Variants in VILL observed in about 807,000 individuals in gnomAD.
The protein encoded by VILL is villin like.
Under a neutral mutation model 106.3 loss-of-function variants are expected in VILL, and 102 were observed. The ratio of observed to expected loss-of-function variants is 0.96; its 90% CI spans 0.82 to 1.13. The LOEUF is 1.13. Among genes scored for constraint, VILL ranks in the 50% most tolerant of loss-of-function variants. The pLI, the probability that VILL is intolerant of heterozygous loss-of-function variation, is 0.00. For missense variants in VILL, 1,076 were observed against 1,116.6 expected, an observed-to-expected ratio of 0.96 and a Z score of 0.52; for synonymous variants, 431 against 440.3, an observed-to-expected ratio of 0.98 and a Z score of 0.27.
chr3:37,989,608 G>A (rs1415451133), upstream of VILL, among the ~76,000 whole-genome samples: 2 of 152,290 alleles, frequency 1.3e-5, no homozygotes, highest in African/African-American at 4.8e-5. Context: ...GAGGGGAGAT[G>A]GGGGAAGAGT....
Position 38,002,587 on chromosome 3 carries a change from A to G in VILL, c.1659+12A>G, listed in dbSNP as rs532892627. 6.8e-6 allele frequency: 11 copies of G among 1,609,084 alleles called. No individual in the cohort carries two copies. In the South Asian group the frequency reaches 1.2e-4, roughly 18 times the overall value. ...TCTGGTTTGGGAAGGTACCCACAGC[A>G]CTGACCACTTGATTCATGCCCAGAT... On this transcript the variant is annotated intron_variant, in intron 14 of 19. Coordinates refer to ENST00000383759, the MANE Select transcript of VILL (RefSeq NM_015873.4).
chr3:37,994,263 C>T lies in VILL; in HGVS notation c.138C>T (p.Val46=), dbSNP rs368836702. 22 of 1,606,170 alleles carry T rather than the reference C, an allele frequency of 1.4e-5. No homozygotes were observed. The African/African-American group carries it at 2.9e-4, about 21-fold the overall frequency. ...ATACACAAACACCCGGACCCTAGGT[C>T]CCCCAGAGCCCGAAGGCCACGCAGG... ...FEEHCYVILH[V]PQSPKATQGA... is the part of the protein sequence containing the mutation. The change falls in exon 4 of 20, where the codon GTC becomes GTT. Residue 46 remains valine (V), a splice_region_variant and synonymous_variant. Transcript: ENST00000383759.
Position 37,993,729 on chromosome 3 carries a change from T to G in VILL, c.57T>G (p.Ser19=). ...GMQGGLHIWI[S]ENRKMVPVPE... ...AGGGAGGCCTCCACATATGGATCTCTGAGGTGAGAGGCACGACCAAATAGG... is the reference window on the plus strand; with the variant it reads ...AGGGAGGCCTCCACATATGGATCTCGGAGGTGAGAGGCACGACCAAATAGG... Residue 19 remains serine, a synonymous_variant, in exon 2 of 20, where the codon TCT becomes TCG. Coordinates refer to ENST00000383759, the MANE Select transcript of VILL (RefSeq NM_015873.4). The G allele has an allele frequency of 6.2e-7, 1 of 1,614,038 alleles. No individual in the cohort carries two copies. The highest frequency in any genetic ancestry group is 8.5e-7 in the Non-Finnish European group (1 of 1,179,966).
intron 5 of VILL, among the ~76,000 whole-genome samples, chr3:37,996,221 C>T (rs1699698579): frequency 6.6e-6 from 1 of 152,238 alleles, no homozygotes; most frequent in Admixed American, 6.5e-5. Context: ...GCAGATGGGG[C>T]AGATGATATG....
intron 16 of VILL, among the ~76,000 whole-genome samples, chr3:38,005,555 A>G (rs1699899451): frequency 6.6e-6 from 1 of 151,834 alleles, no homozygotes; most frequent in Non-Finnish European, 1.5e-5. Flanking sequence ...CAGGTAAATC[A>G]TGCAAGAAAA....
At position 37,999,016 on chromosome 3, in the gene VILL, G is replaced by C; in HGVS notation, c.1047G>C (p.Glu349Asp). 3 of 1,598,440 alleles carry C rather than the reference G, an allele frequency of 1.9e-6. No homozygotes were observed. The highest frequency in any genetic ancestry group is 2.6e-6 in the Non-Finnish European group (3 of 1,171,862). The change falls in exon 10 of 20, where the codon GAG (glutamate) becomes GAC (aspartate). Residue 349 changes from glutamate (E) to aspartate (D), a missense_variant. Glu to Asp is a conservative substitution (Grantham distance 45, BLOSUM62 2). Coordinates refer to ENST00000383759, the MANE Select transcript of VILL (RefSeq NM_015873.4). The part of the protein sequence containing the change: ...AFKQLFRTWS[E>D]KRRRNQKLGG... Reference sequence around the variant, plus strand: ...AGCAGCTCTTCCGGACTTGGTCTGAGAAGCGGCGCAGGAACCAGAAGCTCG... The same window carrying C: ...AGCAGCTCTTCCGGACTTGGTCTGACAAGCGGCGCAGGAACCAGAAGCTCG...
chr3:37,994,769 C>T (rs190234530), intron 4 of VILL, among the ~76,000 whole-genome samples: 21 of 152,364 alleles, frequency 1.4e-4, no homozygotes, highest in African/African-American at 4.6e-4. Flanking sequence ...ACCCCCATCC[C>T]CTGCCCTAGG....
At position 37,998,136 on chromosome 3, in the gene VILL, C is replaced by T. The variant is rs1320562422; in HGVS notation, c.811C>T (p.Pro271Ser). The T allele has an allele frequency of 6.2e-7, 1 of 1,613,626 alleles. No homozygotes were observed. The highest frequency in any genetic ancestry group is 8.5e-7 in the Non-Finnish European group (1 of 1,179,872). ...KDLVVLELAT[P>S]PLTQDLLQEE... ...CCTGGTGGTCCTGGAGTTGGCGACC[C>T]CCCCACTGACCCAGGACCTGCTGCA... Residue 271 changes from proline (P) to serine (S), a missense_variant, in exon 8 of 20, where the codon CCC becomes TCC. Coordinates refer to ENST00000383759, the MANE Select transcript of VILL (RefSeq NM_015873.4). The surrounding 1 kb of genome is among the most constrained non-coding windows in gnomAD (Gnocchi z 4.1).
At position 37,993,980 on chromosome 3, in the gene VILL, G is replaced by A. The variant is rs372215506; in HGVS notation, c.135+8G>A. 6.2e-7 allele frequency: 1 copy of A among 1,614,134 alleles called. No homozygotes were observed. The highest frequency in any genetic ancestry group is 8.5e-7 in the Non-Finnish European group (1 of 1,180,004). The stretch of plus-strand genomic sequence containing the variant: ...TGCTATGTCATCCTCCACGTGAGTC[G>A]CTTGGGGAAGTCTGCCTGAGAGGGG... On this transcript the variant is annotated splice_region_variant and intron_variant, in intron 3 of 19. Transcript: ENST00000383759.
intron 12 of VILL, 41 bp downstream of exon 12, chr3:38,001,634 A>G (rs144958623): frequency 1.2e-6 from 2 of 1,613,536 alleles, no homozygotes; most frequent in African/African-American, 2.7e-5. Context: ...CTTAAAGCCC[A>G]AGGGCTGGGC....
At chr3:37,996,421 AAATTAC>A (rs1302432881) in intron 5 of VILL, among the ~76,000 whole-genome samples, 2 of 152,214 alleles carry the variant, frequency 1.3e-5, no homozygotes, top group African/African-American at 2.4e-5. Context: ...ATCTGTCAGG[AAATTAC>A]AGGAAAATAC....
At chr3:37,993,551 G>A (rs1699641300) in intron 1 of VILL, 36 bp from the exon 2 acceptor site, 1 of 825,942 alleles carries the variant, frequency 1.2e-6, no homozygotes, top group African/African-American at 1.7e-5. Context: ...TGTGTTTACA[G>A]AGCCCTCCTA....
Position 37,998,213 on chromosome 3 carries a change from C to T in VILL, c.843+45C>T. 1 of 1,613,860 alleles carries T rather than the reference C, an allele frequency of 6.2e-7. No homozygotes were observed. Among genetic ancestry groups the T allele is most frequent in the African/African-American group, 1.3e-5 (1 of 75,054 alleles). ...AGCTACTTGCATCCTTCCCCATCCA[C>T]AACCCCAGCCCAGTCTGGACCACCT... On this transcript the variant is annotated intron_variant, in intron 8 of 19. Coordinates refer to ENST00000383759, the MANE Select transcript of VILL (RefSeq NM_015873.4). The surrounding 1 kb of genome is among the most constrained non-coding windows in gnomAD (Gnocchi z 4.1).
Position 37,998,399 on chromosome 3 carries a change from C to G in VILL, c.942+35C>G. 6.2e-7 allele frequency: 1 copy of G among 1,602,222 alleles called. No homozygotes were observed. The highest frequency in any genetic ancestry group is 8.5e-7 in the Non-Finnish European group (1 of 1,169,622). ...GGGGCTCTGTCTGAGAGGAACAGAG[C>G]ACTGCCCTGGGGTCTGAGTGGGGAG... On this transcript the variant is annotated intron_variant, in intron 9 of 19. Coordinates refer to ENST00000383759, the MANE Select transcript of VILL (RefSeq NM_015873.4). The surrounding 1 kb of genome is among the most constrained non-coding windows in gnomAD (Gnocchi z 4.1).
intron 15 of VILL, chr3:38,003,571 C>T: frequency 2.1e-6 from 1 of 486,264 alleles, no homozygotes; most frequent in Non-Finnish European, 3.7e-6. Context: ...CTGCATTGTC[C>T]TGGTCCTGGG....
intron 3 of VILL, 144 bp downstream of exon 3, chr3:37,994,116 G>A: frequency 7.1e-7 from 1 of 1,413,338 alleles, no homozygotes; most frequent in South Asian, 1.2e-5. Flanking sequence ...TTACCGTTGA[G>A]GCTTCTTAGT....
In VILL at chr3:37,999,007, T is replaced by G; in HGVS notation, c.1038T>G (p.Thr346=). Residue 346 remains threonine, a synonymous_variant, in exon 10 of 20, where the codon ACT becomes ACG. Transcript: ENST00000383759. ...CCGCGTTCAAGCAGCTCTTCCGGAC[T>G]TGGTCTGAGAAGCGGCGCAGGAACC... The part of the protein sequence containing the change: ...ESAAFKQLFR[T]WSEKRRRNQK... 4 of 1,606,136 alleles carry G rather than the reference T, an allele frequency of 2.5e-6. No individual in the cohort carries two copies. The highest frequency in any genetic ancestry group is 3.4e-6 in the Non-Finnish European group (4 of 1,176,666).
intron 1 of VILL, 176 bp from the exon 2 acceptor site, chr3:37,993,411 C>T: frequency 2.0e-6 from 1 of 508,484 alleles, no homozygotes; most frequent in Non-Finnish European, 3.5e-6. Flanking sequence ...CAGAGCAAGA[C>T]CCTGTCTCGA....
chr3:37,999,182 G>A, intron 10 of VILL, 132 bp downstream of exon 10: 2 of 1,246,068 alleles, frequency 1.6e-6, no homozygotes, highest in Non-Finnish European at 2.1e-6. Context: ...TGGTCTGCAC[G>A]GGGCGGAACA....
Sources: gnomAD v4.1 joint callset for allele counts (sites outside exome capture counted in the v4.1 genomes callset) on GRCh38, gnomAD v4.1.1 for gene constraint, Gnocchi (gnomAD v3.1) non-coding constraint, MANE v1.5 for transcripts, NCBI Gene and HGNC (gene_info 2026-07-23, HGNC 2026-07-21) for gene names.